The following AIF1L variants were observed in gnomAD, a reference collection of about 807,000 sequenced individuals.
AIF1L encodes the protein allograft inflammatory factor 1 like.
In AIF1L, 12 loss-of-function variants were observed where a neutral mutation model predicts 20.7. The observed-to-expected ratio is 0.58, with a 90% CI of 0.37 to 0.94. The LOEUF is 0.94. Ranked by LOEUF, AIF1L falls within the 40% of genes least tolerant of loss-of-function variation. The pLI is 0.01. For synonymous variants in AIF1L, 76 were observed against 65.1 expected, an observed-to-expected ratio of 1.17 and a Z score of -0.81; for missense variants, 173 against 185.3, an observed-to-expected ratio of 0.93 and a Z score of 0.39.
intron 2 of AIF1L, among the ~76,000 whole-genome samples, chr9:131,102,325 A>G (rs1168477060): frequency 1.3e-5 from 2 of 152,080 alleles, no homozygotes; most frequent in African/African-American, 2.4e-5. Context: ...TCCCCCAGCA[A>G]TGGGGGGCCT....
At chr9:131,117,961 C>G (rs760598541) in intron 5 of AIF1L, 43 bp downstream of exon 5, 1 of 1,571,560 alleles carries the variant, frequency 6.4e-7, no homozygotes, top group Admixed American at 1.8e-5. Flanking sequence ...AAGGCAAAAT[C>G]ATTCTGTGCA....
intron 2 of AIF1L, among the ~76,000 whole-genome samples, chr9:131,103,720 T>C (rs1830685668): frequency 6.6e-6 from 1 of 152,188 alleles, no homozygotes. Context: ...TATGATCCCA[T>C]TTGATAGATA....
chr9:131,111,699 G>A (rs757589832), intron 3 of AIF1L, 36 bp downstream of exon 3: 1 of 1,601,854 alleles, frequency 6.2e-7, no homozygotes, highest in Non-Finnish European at 8.5e-7. Flanking sequence ...TTTATTCCTG[G>A]GGGAGGTGGG....
At chr9:131,106,352 C>A in intron 2 of AIF1L, 2 of 1,001,318 alleles carry the variant, frequency 2.0e-6, no homozygotes, top group Middle Eastern at 2.0e-4. Flanking sequence ...ACATTCTAGC[C>A]GGGGAGGCAG....
chr9:131,114,158 CTGCCTGGGACGCTAAAAAGCACACCCA>C (rs1301756523), intron 3 of AIF1L: 1 of 196,426 alleles, frequency 5.1e-6, no homozygotes, highest in Non-Finnish European at 1.1e-5. Flanking sequence ...CCCATCAGAA[CTGCCTGGGACGCTAAAAAGCACACCCA>C]TGCCTGCCCC....
At position 131,120,318 on chromosome 9, in the gene AIF1L, C is replaced by A. The variant is rs1452942784; in HGVS notation, c.449C>A (p.Pro150His). 1.9e-6 allele frequency: 3 copies of A among 1,611,808 alleles called. No individual in the cohort carries two copies. Among genetic ancestry groups the A allele is most frequent in the Admixed American group, 3.4e-5 (2 of 59,534 alleles). The stretch of plus-strand genomic sequence containing the variant: ...CCAGAGAGAGACATTGCTAGCCTGC[C>A]CTGAGGACCCCGCCTGGACTCCCCA... Reference protein sequence around the residue: ...PPPERDIASLP With the variant: ...PPPERDIASLH The change falls in exon 6 of 6, where the codon CCC becomes CAC. Residue 150 changes from proline (P) to histidine (H), a missense_variant. By Grantham distance (77) the Pro-to-His change is moderately conservative. Transcript: ENST00000247291.
At chr9:131,102,586 A>G (rs936606136) in intron 2 of AIF1L, among the ~76,000 whole-genome samples, 1 of 152,190 alleles carries the variant, frequency 6.6e-6, no homozygotes, top group Admixed American at 6.5e-5. Flanking sequence ...TGGAGATGGA[A>G]TTTCTGCAGG....
chr9:131,121,001 G>C lies in AIF1L; in HGVS notation c.*679G>C, dbSNP rs1047834999. ...CCACACCTGTGCAGGCAGCTGAGAG[G>C]CAGCGTGCAGCCCTACTGTCCCTTA... On this transcript the variant is annotated 3_prime_UTR_variant, in exon 6 of 6. Transcript: ENST00000247291. 1 of 629,180 alleles carries C rather than the reference G, an allele frequency of 1.6e-6. No homozygotes were observed. The highest frequency in any genetic ancestry group is 1.8e-5 in the African/African-American group (1 of 55,456). The allele number at this position is 629,180 out of a possible 1,614,324, so 39.0% of individuals were successfully genotyped here.
At chr9:131,107,774 C>A (rs531417630) in intron 2 of AIF1L, 1 of 152,294 alleles carries the variant, frequency 6.6e-6, no homozygotes, top group East Asian at 1.9e-4. Flanking sequence ...TGCGTGACCC[C>A]AAAGTCTGGG....
At chr9:131,118,713 A>ATT (rs1200214541) in intron 5 of AIF1L, among the ~76,000 whole-genome samples, 1 of 151,392 alleles carries the variant, frequency 6.6e-6, no homozygotes, top group Non-Finnish European at 1.5e-5. Context: ...CACCCAACTA[A>ATT]TTTTTGTATT....
intron 2 of AIF1L, among the ~76,000 whole-genome samples, chr9:131,107,406 G>A (rs927112303): frequency 5.9e-5 from 9 of 152,228 alleles, no homozygotes; most frequent in South Asian, 2.1e-4. Context: ...AGGGCTGGTC[G>A]GTCCAGGCTG....
Position 131,109,190 on chromosome 9 carries a change from G to A in AIF1L, c.94-2407G>A, listed in dbSNP as rs182900001. Among the ~76,000 whole-genome samples the A allele has an allele frequency of 1.1e-4, 5 of 44,808 alleles. No individual in the cohort carries two copies. The Admixed American group carries it at 1.6e-3, about 14-fold the overall frequency. The allele number at this position is 44,808 out of a possible 152,430, so 29.4% of individuals were successfully genotyped here. ...GTGCACTGTGTCCCCCCAGAATGTT[G>A]AATGAGTGAATGAATGAATGAATGA... On this transcript the variant is annotated intron_variant, in intron 2 of 5. Transcript: ENST00000247291.
chr9:131,110,214 AAT>A (rs1830844704), intron 2 of AIF1L, among the ~76,000 whole-genome samples: 1 of 152,154 alleles, frequency 6.6e-6, no homozygotes, highest in Admixed American at 6.6e-5. Context: ...CCTGTTTCAA[AAT>A]AATAATAACA....
At chr9:131,113,663 CCTT>C (rs1426909307) in intron 3 of AIF1L, among the ~76,000 whole-genome samples, 7 of 151,600 alleles carry the variant, frequency 4.6e-5, no homozygotes, top group Admixed American at 6.7e-5. Context: ...GAGCAAGACT[CCTT>C]CTAAAAAAAA....
At chr9:131,114,752 C>T in intron 4 of AIF1L, 134 bp downstream of exon 4, 1 of 1,154,838 alleles carries the variant, frequency 8.7e-7, no homozygotes. Context: ...CCAGCCCCAG[C>T]CCCTTGCCTT....
At position 131,117,637 on chromosome 9, in the gene AIF1L, GAGAAGGAGTGCAGACGCCAAGTTTCT is replaced by G. The variant is rs1831043459; in HGVS notation, c.203-116_203-91del. 4 of 1,068,068 alleles carry G rather than the reference GAGAAGGAGTGCAGACGCCAAGTTTCT, an allele frequency of 3.7e-6. No individual in the cohort carries two copies. The South Asian group carries it at 6.9e-5, about 18-fold the overall frequency. 66.2% of individuals were successfully genotyped at this position (1,068,068 alleles called of 1,614,324 possible). A position where few individuals can be genotyped will look rare whatever the true frequency, so the allele number is the denominator to read the frequency against. ...GGGCGTGATGGGCTCCTCCTCCCTA[GAGAAGGAGTGCAGACGCCAAGTTTCT>G]AGGCGTGGGGTGCCTGAGTGGAGCT... On this transcript the variant is annotated intron_variant, in intron 4 of 5. Coordinates refer to ENST00000247291, the MANE Select transcript of AIF1L (RefSeq NM_031426.4).
chr9:131,107,306 CTG>C (rs1244403905), intron 2 of AIF1L, among the ~76,000 whole-genome samples: 2 of 152,210 alleles, frequency 1.3e-5, no homozygotes, highest in African/African-American at 4.8e-5. Flanking sequence ...CTGTGTCTGT[CTG>C]TGTGCAATTT....
chr9:131,114,134 C>T (rs187678873), intron 3 of AIF1L: 45 of 185,368 alleles, frequency 2.4e-4, no homozygotes, highest in African/African-American at 1.0e-3. Context: ...ATCAGTGGTT[C>T]CCACACCCGG....
chr9:131,101,139 GC>G (rs1192925016), intron 2 of AIF1L, among the ~76,000 whole-genome samples: 4 of 151,804 alleles, frequency 2.6e-5, no homozygotes, highest in African/African-American at 9.7e-5. Flanking sequence ...CTCGTGATCC[GC>G]CCCCCTCGGC....
Sources: allele counts gnomAD v4.1 joint callset (sites outside exome capture counted in the v4.1 genomes callset), GRCh38; gene constraint gnomAD v4.1.1; transcripts MANE v1.5; gene names NCBI Gene and HGNC (gene_info 2026-07-23, HGNC 2026-07-21).